Variants in MME observed in about 807,000 individuals in gnomAD.
The protein encoded by MME is neprilysin.
In MME, 98 loss-of-function variants were observed where a neutral mutation model predicts 113.2. That is an observed-to-expected ratio of 0.87 (90% CI 0.74 to 1.02). The LOEUF is 1.02. MME is among the 50% of genes least tolerant of loss of function. The probability of loss-of-function intolerance (pLI) is 0.00; values close to 1 mark genes in which losing one functional copy is unlikely to be tolerated. For missense variants in MME, 836 were observed against 896.0 expected, an observed-to-expected ratio of 0.93 and a Z score of 0.86; for synonymous variants, 292 against 300.6, an observed-to-expected ratio of 0.97 and a Z score of 0.30.
intron 1 of MME, among the ~76,000 whole-genome samples, chr3:155,057,619 G>A (rs1713979191): frequency 6.6e-6 from 1 of 151,964 alleles, no homozygotes; most frequent in African/African-American, 2.4e-5. Context: ...TTGGTAGGGA[G>A]TGAGTTACAT....
intron 3 of MME, among the ~76,000 whole-genome samples, chr3:155,102,161 C>T (rs62279989): frequency 0.17 from 26,121 of 152,008 alleles, 2,930 homozygotes; most frequent in Non-Finnish European, 0.26. Context: ...GAAAAAGAAG[C>T]TAGTATCAGA....
intron 8 of MME, among the ~76,000 whole-genome samples, chr3:155,127,312 C>T (rs568388166): frequency 6.6e-6 from 1 of 152,328 alleles, no homozygotes; most frequent in East Asian, 1.9e-4. Context: ...TTTGCTCTAA[C>T]ATCAACCTCC....
chr3:155,070,445 T>C (rs949093560), intron 1 of MME, among the ~76,000 whole-genome samples: 2 of 152,178 alleles, frequency 1.3e-5, no homozygotes, highest in Non-Finnish European at 2.9e-5. Flanking sequence ...GTGTTCTTTT[T>C]GCTTGGACTT....
At chr3:155,118,604 A>C (rs1329622212) in intron 7 of MME, 142 bp from the exon 8 acceptor site, 3 of 655,766 alleles carry the variant, frequency 4.6e-6, no homozygotes, top group African/African-American at 1.8e-5. Flanking sequence ...TTTCCTAACT[A>C]GGTATTTATT....
intron 22 of MME, among the ~76,000 whole-genome samples, chr3:155,174,321 G>T: frequency 7.1e-6 from 1 of 140,056 alleles, no homozygotes; most frequent in South Asian, 2.3e-4. Flanking sequence ...CATAACAACA[G>T]AAGCGTGTGT....
At chr3:155,098,613 G>T (rs1317282181) in intron 3 of MME, among the ~76,000 whole-genome samples, 4 of 151,546 alleles carry the variant, frequency 2.6e-5, no homozygotes, top group Non-Finnish European at 1.5e-5. Flanking sequence ...AGGAACAGGT[G>T]TAGAGGGAAT....
intron 1 of MME, among the ~76,000 whole-genome samples, chr3:155,062,804 G>A (rs147835044): frequency 4.0e-4 from 61 of 151,896 alleles, no homozygotes; most frequent in African/African-American, 1.1e-3. Flanking sequence ...CCTGTTATCC[G>A]AGGCCCACGG....
At chr3:155,160,310 G>C in intron 16 of MME, 80 bp from the exon 17 acceptor site, 1 of 955,808 alleles carries the variant, frequency 1.0e-6, no homozygotes, top group Non-Finnish European at 1.7e-6. Context: ...TCTAGGAATG[G>C]TAATAATGCT....
rs1430005409 is a variant in MME, at chr3:155,182,319, G to C, written c.*1860G>C. 1 of 152,074 alleles carries C rather than the reference G, an allele frequency of 6.6e-6. No individual in the cohort carries two copies. The highest frequency in any genetic ancestry group is 1.5e-5 in the Non-Finnish European group (1 of 68,022). 9.4% of individuals were successfully genotyped at this position (152,074 alleles called of 1,614,324 possible). A position where few individuals can be genotyped will look rare whatever the true frequency, so the allele number is the denominator to read the frequency against. Reference sequence around the variant, plus strand: ...ACAATTTGTTCATCCTATTGTTGATGGGCACTTGAGAACTTTCCATTTTGG... The same window carrying C: ...ACAATTTGTTCATCCTATTGTTGATCGGCACTTGAGAACTTTCCATTTTGG... On this transcript the variant is annotated 3_prime_UTR_variant, in exon 23 of 23. Transcript: ENST00000360490.
At chr3:155,059,624 T>C (rs1264449437) in intron 1 of MME, among the ~76,000 whole-genome samples, 1 of 152,166 alleles carries the variant, frequency 6.6e-6, no homozygotes. Context: ...ACTATCGGCC[T>C]ATTTCATTTA....
intron 14 of MME, among the ~76,000 whole-genome samples, chr3:155,145,133 G>T (rs188689438): frequency 3.9e-4 from 60 of 152,276 alleles, no homozygotes; most frequent in Non-Finnish European, 7.4e-4. Flanking sequence ...AGCCCTGAGT[G>T]GGTTAGGCCT....
chr3:155,025,688 T>C lies in MME; in HGVS notation c.-11+1364T>C, dbSNP rs569506315. On this transcript the variant is annotated intron_variant, in intron 1 of 22. Transcript: ENST00000492661. ...GTATCAGATTTTTTCTTTCTTTCTT[T>C]CTTTTTTTTTTTTTTTTTTTTTGAG... Among the ~76,000 whole-genome samples the C allele has an allele frequency of 8.6e-4, 125 of 145,700 alleles. 1 individual carries two copies. The highest frequency in any genetic ancestry group is 3.1e-3 in the African/African-American group (124 of 39,536).
intron 8 of MME, among the ~76,000 whole-genome samples, chr3:155,128,344 C>G (rs1408607350): frequency 6.6e-6 from 1 of 152,188 alleles, no homozygotes; most frequent in Non-Finnish European, 1.5e-5. Context: ...GTTTCCCCTG[C>G]ATTTCTGGCA....
At chr3:155,029,840 C>T (rs1414950971) in intron 1 of MME, among the ~76,000 whole-genome samples, 1 of 151,998 alleles carries the variant, frequency 6.6e-6, no homozygotes, top group Non-Finnish European at 1.5e-5. Flanking sequence ...TTCCTCTAAG[C>T]CAATTAATTA....
At chr3:155,072,477 C>A (rs1714613072) in intron 1 of MME, among the ~76,000 whole-genome samples, 1 of 152,158 alleles carries the variant, frequency 6.6e-6, no homozygotes, top group Admixed American at 6.5e-5. Context: ...ACAGAGTTTT[C>A]TTGCTTTTTC....
chr3:155,149,656 G>A (rs1034103709), intron 16 of MME, among the ~76,000 whole-genome samples: 4 of 151,916 alleles, frequency 2.6e-5, no homozygotes, highest in African/African-American at 9.7e-5. Flanking sequence ...CCACCAAGAG[G>A]GAAATGTCGT....
chr3:155,077,314 A>G (rs1421751550), upstream of MME, among the ~76,000 whole-genome samples: 1 of 152,186 alleles, frequency 6.6e-6, no homozygotes, highest in East Asian at 1.9e-4. Flanking sequence ...GCTAGAACCA[A>G]TGCATTCCAT....
At chr3:155,053,354 T>C (rs768339923) in intron 1 of MME, among the ~76,000 whole-genome samples, 7 of 152,166 alleles carry the variant, frequency 4.6e-5, no homozygotes, top group Non-Finnish European at 1.0e-4. Flanking sequence ...ATTGACACAG[T>C]TCCACATGTC....
At chr3:155,166,568 A>G (rs1223227149) in intron 17 of MME, among the ~76,000 whole-genome samples, 1 of 152,236 alleles carries the variant, frequency 6.6e-6, no homozygotes, top group African/African-American at 2.4e-5. Flanking sequence ...AACTCCTTAC[A>G]GCACAAAACA....
Sources: gnomAD v4.1 joint callset for allele counts (sites outside exome capture counted in the v4.1 genomes callset) on GRCh38, gnomAD v4.1.1 for gene constraint, MANE v1.5 for transcripts, NCBI Gene and HGNC (gene_info 2026-07-23, HGNC 2026-07-21) for gene names.